NAV2: variants seen among roughly 807,000 people sequenced by gnomAD.
NAV2 encodes neuron navigator 2.
NAV2 carries 54 observed loss-of-function variants against 223.2 expected under a neutral mutation model. The observed-to-expected ratio is 0.24, with a 90% confidence interval of 0.19 to 0.30. The LOEUF is 0.30. Ranked by LOEUF, NAV2 falls within the 10% of genes least tolerant of loss-of-function variation. The pLI is 1.00. For missense variants in NAV2, 2,806 were observed against 3,147.5 expected, an observed-to-expected ratio of 0.89 and a Z score of 2.60; for synonymous variants, 1,279 against 1,239.3, an observed-to-expected ratio of 1.03 and a Z score of -0.67.
rs2060579765 is a variant in NAV2 at position 19,842,747 on chromosome 11, C to A, written c.386-124C>A. The A allele has an allele frequency of 1.0e-5, 8 of 773,330 alleles. No homozygotes were observed. In the South Asian group the frequency reaches 1.3e-4, roughly 13 times the overall value. The allele number at this position is 773,330 out of a possible 1,614,324, so 47.9% of individuals were successfully genotyped here. ...TAGATGTGTCTCAGTATTTCACATGCCTGCACTGATTGGACAAACCCTGGT... is the reference window on the plus strand; with the variant it reads ...TAGATGTGTCTCAGTATTTCACATGACTGCACTGATTGGACAAACCCTGGT... On this transcript the variant is annotated intron_variant, in intron 2 of 37. Transcript: ENST00000349880.
chr11:20,054,484 G>A (rs2058237663), intron 18 of NAV2, among the ~76,000 whole-genome samples: 1 of 152,058 alleles, frequency 6.6e-6, no homozygotes, highest in Non-Finnish European at 1.5e-5. Flanking sequence ...AATATAGATC[G>A]ATTACAGGGG....
intron 1 of NAV2, among the ~76,000 whole-genome samples, chr11:19,716,205 C>T (rs1486283578): frequency 6.6e-6 from 1 of 152,166 alleles, no homozygotes; most frequent in Non-Finnish European, 1.5e-5. Flanking sequence ...GGGCCCCTGA[C>T]TCCCCTTTTA....
intron 1 of NAV2, among the ~76,000 whole-genome samples, chr11:19,383,238 C>G (rs1478028483): frequency 6.6e-6 from 1 of 152,126 alleles, no homozygotes; most frequent in African/African-American, 2.4e-5. Context: ...TTCTAGCCAA[C>G]AAAATATGAG....
At chr11:19,769,178 TG>T (rs768952293) in intron 1 of NAV2, among the ~76,000 whole-genome samples, 2 of 152,186 alleles carry the variant, frequency 1.3e-5, no homozygotes, top group Non-Finnish European at 2.9e-5. Context: ...GAGTTCTTGA[TG>T]TTGGCATTTC....
chr11:19,517,147 C>T (rs1345070433), intron 1 of NAV2, among the ~76,000 whole-genome samples: 1 of 152,180 alleles, frequency 6.6e-6, no homozygotes, highest in Non-Finnish European at 1.5e-5. Context: ...ACTCCCTTCT[C>T]CTGGCCTGCG....
rs770741708 is a variant in NAV2, at chr11:20,097,631, G to A, written c.6067G>A (p.Val2023Ile). 8.7e-6 allele frequency: 14 copies of A among 1,613,148 alleles called. No individual in the cohort carries two copies. Among genetic ancestry groups the A allele is most frequent in the Middle Eastern group, 3.3e-4 (2 of 6,080 alleles). The change falls in exon 31 of 38, where the codon GTT becomes ATT. Residue 2023 changes from valine (V) to isoleucine (I), a missense_variant. Around this residue, in one of 4 missense-constraint regions of NAV2, gnomAD observed 824 missense variants for 1,069.4 expected, o/e 0.77. Coordinates refer to ENST00000349880, the MANE Select transcript of NAV2 (RefSeq NM_145117.5). ...TCAGCTAGGGCTGAATTCAGACAGC[G>A]TTCTTGGCTACAGCATTGGAGAAAT... ...VSQLGLNSDSVLGYSIGEIKR... is the reference protein window; with the variant it reads ...VSQLGLNSDSILGYSIGEIKR...
At chr11:19,824,404 G>A (rs758200848) in intron 1 of NAV2, among the ~76,000 whole-genome samples, 56 of 152,216 alleles carry the variant, frequency 3.7e-4, no homozygotes, top group Non-Finnish European at 6.3e-4. Context: ...TAGAATGATG[G>A]TCATTGCCCT....
At chr11:19,756,461 G>A (rs924020402) in intron 1 of NAV2, among the ~76,000 whole-genome samples, 5 of 152,172 alleles carry the variant, frequency 3.3e-5, no homozygotes, top group South Asian at 2.1e-4. Context: ...TTTGGACTGC[G>A]CGCAAGGGGC....
intron 8 of NAV2, among the ~76,000 whole-genome samples, chr11:19,944,957 C>T (rs1238055665): frequency 5.6e-5 from 8 of 143,496 alleles, no homozygotes; most frequent in African/African-American, 2.1e-4. Flanking sequence ...TTCCTCTTTC[C>T]TTTCCGTTCC....
At chr11:19,580,982 A>G (rs1397853165) in intron 1 of NAV2, among the ~76,000 whole-genome samples, 1 of 152,236 alleles carries the variant, frequency 6.6e-6, no homozygotes, top group Non-Finnish European at 1.5e-5. Context: ...AATACAAAAT[A>G]GCATTTTGGC....
At position 20,120,888 on chromosome 11, in the gene NAV2, TC is replaced by T. The variant is rs1351757127; in HGVS notation, c.*2632del. Reference sequence around the variant, plus strand: ...CATTTAGGGCTCTATCGGAAATGCTTCCATTTTGCCTTTTCTACAGTTAGGC... The same window carrying T: ...CATTTAGGGCTCTATCGGAAATGCTTCATTTTGCCTTTTCTACAGTTAGGC... On this transcript the variant is annotated 3_prime_UTR_variant, in exon 38 of 38. Coordinates refer to ENST00000349880, the MANE Select transcript of NAV2 (RefSeq NM_145117.5). 6.5e-6 allele frequency: 1 copy of T among 152,684 alleles called. No homozygotes were observed. Among genetic ancestry groups the T allele is most frequent in the Non-Finnish European group, 1.5e-5 (1 of 68,052 alleles). 9.5% of individuals were successfully genotyped at this position (152,684 alleles called of 1,614,324 possible).
chr11:19,405,092 T>C (rs1849838703), intron 1 of NAV2, among the ~76,000 whole-genome samples: 1 of 152,192 alleles, frequency 6.6e-6, no homozygotes, highest in South Asian at 2.1e-4. Flanking sequence ...TAGTATTAAC[T>C]GTCCTAGAAA....
At chr11:20,116,553 T>C (rs2063108831) in intron 37 of NAV2, among the ~76,000 whole-genome samples, 1 of 152,150 alleles carries the variant, frequency 6.6e-6, no homozygotes, top group South Asian at 2.1e-4. Context: ...ACATAGAAAA[T>C]AGAATTTAGT....
intron 5 of NAV2, among the ~76,000 whole-genome samples, chr11:19,889,340 C>T: frequency 6.6e-6 from 1 of 152,180 alleles, no homozygotes; most frequent in East Asian, 1.9e-4. Context: ...CCATTTACAA[C>T]AGAACCTAAG....
intron 1 of NAV2, among the ~76,000 whole-genome samples, chr11:19,573,472 G>A (rs1487201): frequency 0.036 from 5,543 of 152,238 alleles, 225 homozygotes; most frequent in East Asian, 0.18. Context: ...TGTGGCATGC[G>A]TGAGTATATA....
At chr11:20,109,867 C>T (rs2062476350) in intron 36 of NAV2, among the ~76,000 whole-genome samples, 1 of 152,248 alleles carries the variant, frequency 6.6e-6, no homozygotes, top group South Asian at 2.1e-4. Flanking sequence ...AACCAGGAAG[C>T]AGGGAGCCTG....
At chr11:19,426,733 T>C (rs1283647945) in intron 1 of NAV2, among the ~76,000 whole-genome samples, 1 of 152,110 alleles carries the variant, frequency 6.6e-6, no homozygotes, top group Non-Finnish European at 1.5e-5. Context: ...TTGTCATCAA[T>C]TTATTGACTC....
intron 1 of NAV2, among the ~76,000 whole-genome samples, chr11:19,359,011 A>G (rs1037600353): frequency 6.6e-6 from 1 of 152,240 alleles, no homozygotes; most frequent in Non-Finnish European, 1.5e-5. Context: ...TTCAGAACAC[A>G]TATTACAGTG....
chr11:19,562,252 G>T (rs138349473), intron 1 of NAV2, among the ~76,000 whole-genome samples: 1 of 152,098 alleles, frequency 6.6e-6, no homozygotes, highest in South Asian at 2.1e-4. Context: ...ATAGAAAGAC[G>T]GCACCTGCCT....
Sources: gnomAD v4.1 joint callset for allele counts (sites outside exome capture counted in the v4.1 genomes callset) on GRCh38, gnomAD v4.1.1 for gene constraint, gnomAD v4.1.1 regional missense constraint, MANE v1.5 for transcripts, NCBI Gene and HGNC (gene_info 2026-07-23, HGNC 2026-07-21) for gene names.